Variants in BLK observed in about 807,000 individuals in gnomAD.
The protein encoded by BLK is BLK proto-oncogene, Src family tyrosine kinase, also known as tyrosine-protein kinase Blk.
A neutral mutation model predicts 61.8 loss-of-function variants in BLK; 64 were observed. That is an observed-to-expected ratio of 1.03 (90% CI 0.85 to 1.27). BLK has a LOEUF of 1.27. Ranked by LOEUF, BLK falls within the 50% of genes most tolerant of loss-of-function variation. The pLI is 0.00. For missense variants in BLK, 853 were observed against 660.5 expected (o/e 1.29, Z -3.19); for synonymous variants, 351 against 272.0 (o/e 1.29, Z -2.86).
intron 1 of BLK, among the ~76,000 whole-genome samples, chr8:11,515,016 C>T (rs910401067): frequency 6.6e-6 from 1 of 152,182 alleles, no homozygotes. Flanking sequence ...CTCCCCTCCA[C>T]ATTCCCCGAC....
At chr8:11,531,271 T>C (rs1306673803) in intron 1 of BLK, among the ~76,000 whole-genome samples, 1 of 152,220 alleles carries the variant, frequency 6.6e-6, no homozygotes, top group East Asian at 1.9e-4. Context: ...CTATTTCTTT[T>C]CTTAATGGTG....
chr8:11,520,809 A>T (rs1399587562), intron 1 of BLK, among the ~76,000 whole-genome samples: 3 of 152,238 alleles, frequency 2.0e-5, no homozygotes, highest in Non-Finnish European at 4.4e-5. Context: ...CAAGTAATTG[A>T]AAAGCTATTA....
Position 11,503,146 on chromosome 8 carries a change from G to A in BLK, c.-2+8555G>A, listed in dbSNP as rs114179353. 9.5e-3 allele frequency among the ~76,000 whole-genome samples: 1,440 copies of A among 152,340 alleles called. 25 individuals carry two copies. Among genetic ancestry groups the A allele is most frequent in the African/African-American group, 0.033 (1,374 of 41,574 alleles). On this transcript the variant is annotated intron_variant, in intron 1 of 12. Transcript: ENST00000259089. ...GTGCAAAACTGAAGGAGGCCCTGATGCTTGAGGTTGTTCAAGTGCAGAGAA... is the reference window on the plus strand; with the variant it reads ...GTGCAAAACTGAAGGAGGCCCTGATACTTGAGGTTGTTCAAGTGCAGAGAA...
intron 3 of BLK, 34 bp from the exon 4 acceptor site, chr8:11,547,998 T>G (rs776734677): frequency 9.5e-6 from 15 of 1,585,310 alleles, no homozygotes; most frequent in Non-Finnish European, 1.3e-5. Context: ...CTTGTGGGCC[T>G]GAGTGGTGGT....
At chr8:11,501,061 T>C (rs1026633589) in intron 1 of BLK, among the ~76,000 whole-genome samples, 2 of 151,910 alleles carry the variant, frequency 1.3e-5, no homozygotes, top group South Asian at 4.2e-4. Context: ...ATACAAAAAT[T>C]AGCTGGGCAT....
chr8:11,505,836 A>C (rs757206085), intron 1 of BLK, among the ~76,000 whole-genome samples: 1 of 151,822 alleles, frequency 6.6e-6, no homozygotes, highest in Non-Finnish European at 1.5e-5. Flanking sequence ...GTCCCTGAGG[A>C]CTCCCTGGCA....
At chr8:11,560,649 G>A (rs996869633) in intron 10 of BLK, 2 of 352,358 alleles carry the variant, frequency 5.7e-6, no homozygotes, top group South Asian at 2.1e-5. Flanking sequence ...CAGGGGAGGA[G>A]AGACAAGTCT....
intron 1 of BLK, among the ~76,000 whole-genome samples, chr8:11,526,997 A>G (rs901149603): frequency 6.6e-6 from 1 of 152,068 alleles, no homozygotes; most frequent in African/African-American, 2.4e-5. Flanking sequence ...TGGGGGTCAC[A>G]CTCGGCTATC....
intron 1 of BLK, among the ~76,000 whole-genome samples, chr8:11,529,965 A>G (rs1054785986): frequency 5.3e-5 from 8 of 152,228 alleles, no homozygotes; most frequent in Non-Finnish European, 7.4e-5. Context: ...CTCAAGAACA[A>G]TGGATGAGGC....
chr8:11,504,418 A>G (rs1044004854), intron 1 of BLK, among the ~76,000 whole-genome samples: 9 of 151,762 alleles, frequency 5.9e-5, no homozygotes, highest in Non-Finnish European at 1.3e-4. Context: ...AAAGAAAAAA[A>G]AAAGAAAAGA....
chr8:11,503,535 G>T (rs368981908), intron 1 of BLK, among the ~76,000 whole-genome samples: 1 of 152,140 alleles, frequency 6.6e-6, no homozygotes, highest in Non-Finnish European at 1.5e-5. Flanking sequence ...CCTTATACAG[G>T]GTGACCCTTT....
intron 2 of BLK, among the ~76,000 whole-genome samples, chr8:11,543,762 G>T (rs1800495729): frequency 6.6e-6 from 1 of 152,094 alleles, no homozygotes; most frequent in Non-Finnish European, 1.5e-5. Flanking sequence ...GAGGGTGCCT[G>T]TCCTCACCTC....
chr8:11,535,288 GAAAGAAAGAAAGAA>G (rs1800077642), intron 1 of BLK, among the ~76,000 whole-genome samples: 1 of 141,652 alleles, frequency 7.1e-6, no homozygotes, highest in Non-Finnish European at 1.5e-5. Flanking sequence ...AAGAAAGAAA[GAAAGAAAGAAAGAA>G]AGAAAGAAAG....
chr8:11,545,525 G>C (rs1026324750), intron 2 of BLK, among the ~76,000 whole-genome samples: 9 of 152,152 alleles, frequency 5.9e-5, no homozygotes, highest in African/African-American at 2.2e-4. Context: ...CTCCAGCCTG[G>C]GCAACAGAGC....
chr8:11,522,058 A>G (rs1799473663), intron 1 of BLK, among the ~76,000 whole-genome samples: 3 of 152,228 alleles, frequency 2.0e-5, no homozygotes, highest in Non-Finnish European at 4.4e-5. Flanking sequence ...TGGTAAATCC[A>G]TCTTTCCTTC....
intron 1 of BLK, 81 bp from the exon 2 acceptor site, chr8:11,543,143 A>C: frequency 1.9e-6 from 3 of 1,606,374 alleles, no homozygotes; most frequent in Non-Finnish European, 2.5e-6. Context: ...AGCCTCCCGG[A>C]AGGGGCCAGG....
Position 11,550,205 on chromosome 8 carries a change from C to T in BLK, c.415C>T (p.Leu139Phe). Reference protein sequence around the residue: ...QGRKEAERQLLAPINKAGSFL... With the variant: ...QGRKEAERQLFAPINKAGSFL... ...TCGGAAGGAGGCTGAGAGGCAGCTT[C>T]TTGCTCCAATCAACAAGGCCGGCTC... is the stretch of plus-strand genomic sequence containing the variant. The change falls in exon 6 of 13, where the codon CTT becomes TTT. Residue 139 changes from leucine (L) to phenylalanine (F), a missense_variant. Leu to Phe is a conservative substitution (Grantham distance 22). Transcript: ENST00000259089. 1 of 1,614,138 alleles carries T rather than the reference C, an allele frequency of 6.2e-7. No individual in the cohort carries two copies. Among genetic ancestry groups the T allele is most frequent in the East Asian group, 2.2e-5 (1 of 44,888 alleles).
intron 1 of BLK, among the ~76,000 whole-genome samples, chr8:11,533,599 G>GAGA (rs1415883117): frequency 6.9e-6 from 1 of 144,106 alleles, no homozygotes; most frequent in Non-Finnish European, 1.5e-5. Flanking sequence ...GGAGGAGGAG[G>GAGA]AGGAGAAGGA....
At chr8:11,526,261 C>T (rs1466415194) in intron 1 of BLK, among the ~76,000 whole-genome samples, 5 of 152,134 alleles carry the variant, frequency 3.3e-5, no homozygotes, top group African/African-American at 1.2e-4. Context: ...GTTTTGTATC[C>T]TAGTGATTGG....
Sources: allele counts gnomAD v4.1 joint callset (sites outside exome capture counted in the v4.1 genomes callset), GRCh38; gene constraint gnomAD v4.1.1; transcripts MANE v1.5; gene names NCBI Gene and HGNC (gene_info 2026-07-23, HGNC 2026-07-21).